Variants in KIAA1958 observed in about 807,000 individuals in gnomAD.
KIAA1958 encodes the protein uncharacterized protein KIAA1958.
In KIAA1958, 14 loss-of-function variants were observed where a neutral mutation model predicts 47.2. The observed-to-expected ratio is 0.30, with a 90% CI of 0.20 to 0.46. The LOEUF (loss-of-function observed/expected upper bound fraction) is 0.46. Among genes scored for constraint, KIAA1958 ranks in the 20% least tolerant of loss-of-function variants. The pLI, the probability that KIAA1958 is intolerant of heterozygous loss-of-function variation, is 1.00. For missense variants in KIAA1958, 803 were observed against 909.2 expected (o/e 0.88, Z 1.50); for synonymous variants, 354 against 353.3 (o/e 1.00, Z -0.02).
Position 112,659,814 on chromosome 9 carries a change from C to A in KIAA1958, c.1896C>A (p.Leu632=), listed in dbSNP as rs1328568371. The A allele has an allele frequency of 8.1e-6, 13 of 1,614,086 alleles. No homozygotes were observed. Among genetic ancestry groups the A allele is most frequent in the Non-Finnish European group, 1.1e-5 (13 of 1,180,046 alleles). The change falls in exon 4 of 4, where the codon CTC becomes CTA. Residue 632 remains leucine, a synonymous_variant. Coordinates refer to ENST00000337530, the MANE Select transcript of KIAA1958 (RefSeq NM_133465.4). ...SRGHKQCPYC[L]LYKYMYIHRP... ...GACACAAACAGTGCCCTTACTGCCT[C>A]CTCTACAAGTACATGTACATCCACC...
chr9:112,634,887 C>T (rs1836776785), intron 2 of KIAA1958, among the ~76,000 whole-genome samples: 1 of 152,154 alleles, frequency 6.6e-6, no homozygotes, highest in Admixed American at 6.5e-5. Flanking sequence ...GGTCATAAAG[C>T]TGGTCTCCTG....
intron 1 of KIAA1958, among the ~76,000 whole-genome samples, chr9:112,524,014 A>G (rs750005884): frequency 6.6e-6 from 1 of 152,128 alleles, no homozygotes; most frequent in Non-Finnish European, 1.5e-5. Context: ...TGCACCCCTC[A>G]TCCCATCCTA....
chr9:112,516,930 G>A (rs1046653533), intron 1 of KIAA1958, among the ~76,000 whole-genome samples: 4 of 152,190 alleles, frequency 2.6e-5, no homozygotes, highest in African/African-American at 4.8e-5. Context: ...GAAGTGTGAG[G>A]TATGGAAACA....
At chr9:112,528,784 G>T (rs1834704233) in intron 1 of KIAA1958, among the ~76,000 whole-genome samples, 1 of 152,190 alleles carries the variant, frequency 6.6e-6, no homozygotes, top group Non-Finnish European at 1.5e-5. Context: ...CTCCTAAGGT[G>T]CTGGGATCAC....
intron 1 of KIAA1958, among the ~76,000 whole-genome samples, chr9:112,542,908 A>G (rs1262118944): frequency 1.3e-5 from 2 of 152,220 alleles, no homozygotes; most frequent in Admixed American, 6.5e-5. Context: ...CTGGTATGGC[A>G]GGCAGTATTT....
At chr9:112,553,564 T>C (rs1222113158) in intron 1 of KIAA1958, among the ~76,000 whole-genome samples, 1 of 152,208 alleles carries the variant, frequency 6.6e-6, no homozygotes, top group Non-Finnish European at 1.5e-5. Flanking sequence ...ATAATAGTAC[T>C]GCCTTATAAA....
chr9:112,543,828 C>T (rs1834985270), intron 1 of KIAA1958, among the ~76,000 whole-genome samples: 1 of 152,120 alleles, frequency 6.6e-6, no homozygotes, highest in Non-Finnish European at 1.5e-5. Flanking sequence ...CCGCCTCGGC[C>T]TCCCACAGTT....
intron 1 of KIAA1958, among the ~76,000 whole-genome samples, chr9:112,531,168 C>A (rs1343067329): frequency 6.6e-6 from 1 of 152,224 alleles, no homozygotes; most frequent in East Asian, 1.9e-4. Flanking sequence ...GCAGGCGTAT[C>A]ACCTGAGGTT....
Position 112,645,765 on chromosome 9 carries a change from T to C in KIAA1958, c.1287T>C (p.Asn429=). 1 of 1,614,180 alleles carries C rather than the reference T, an allele frequency of 6.2e-7. No homozygotes were observed. Among genetic ancestry groups the C allele is most frequent in the East Asian group, 2.2e-5 (1 of 44,876 alleles). The change falls in exon 3 of 4, where the codon AAT becomes AAC. Residue 429 remains asparagine, a synonymous_variant. Transcript: ENST00000337530. The part of the protein sequence containing the change: ...NTTKATRYAL[N]VWRYWCMTNG... ...CCAAAGCCACGCGGTACGCCTTGAA[T>C]GTGTGGCGTTATTGGTGCATGACCA...
chr9:112,557,770 A>T (rs1038269320), intron 1 of KIAA1958, among the ~76,000 whole-genome samples: 13 of 152,354 alleles, frequency 8.5e-5, no homozygotes, highest in African/African-American at 3.1e-4. Context: ...GAAAAACAAA[A>T]ATATCATATT....
intron 2 of KIAA1958, among the ~76,000 whole-genome samples, chr9:112,617,356 A>G (rs1836423850): frequency 6.6e-6 from 1 of 152,252 alleles, no homozygotes; most frequent in Non-Finnish European, 1.5e-5. Flanking sequence ...ATTAACTGCC[A>G]TAAAAGATCT....
intron 1 of KIAA1958, among the ~76,000 whole-genome samples, chr9:112,550,607 C>T (rs117589425): frequency 0.014 from 2,134 of 152,252 alleles, 30 homozygotes; most frequent in Middle Eastern, 0.044. Context: ...AGGGAAAAGG[C>T]AGACGGATGA....
At chr9:112,507,807 T>C (rs1170489149) in intron 1 of KIAA1958, among the ~76,000 whole-genome samples, 1 of 151,940 alleles carries the variant, frequency 6.6e-6, no homozygotes, top group African/African-American at 2.4e-5. Flanking sequence ...TCTTTCTTTC[T>C]TTTTTTTGAG....
chr9:112,488,193 A>G (rs1051922536), intron 1 of KIAA1958, among the ~76,000 whole-genome samples: 13 of 152,134 alleles, frequency 8.5e-5, no homozygotes, highest in Non-Finnish European at 1.8e-4. Flanking sequence ...TTCCCTACCC[A>G]TGAGACCATG....
intron 1 of KIAA1958, among the ~76,000 whole-genome samples, chr9:112,546,879 C>G (rs941034207): frequency 3.3e-5 from 5 of 152,010 alleles, no homozygotes; most frequent in Non-Finnish European, 7.4e-5. Flanking sequence ...TTAGCTACTG[C>G]CTCTCTGTGC....
intron 2 of KIAA1958, among the ~76,000 whole-genome samples, chr9:112,642,004 T>C (rs1297318835): frequency 6.6e-6 from 1 of 152,234 alleles, no homozygotes; most frequent in Non-Finnish European, 1.5e-5. Context: ...AAATTAGCTT[T>C]TCTGCTTGCG....
intron 1 of KIAA1958, among the ~76,000 whole-genome samples, chr9:112,523,040 TGTCATTTCTACCCACAGCACA>T (rs1834575611): frequency 6.6e-6 from 1 of 152,182 alleles, no homozygotes; most frequent in African/African-American, 2.4e-5. Flanking sequence ...AACTGGGCAA[TGTCATTTCTACCCACAGCACA>T]GCTAGATACC....
intron 2 of KIAA1958, chr9:112,581,963 C>T: frequency 4.0e-6 from 1 of 252,138 alleles, no homozygotes. Flanking sequence ...TGCCACCTTT[C>T]CCCACTGTCA....
At chr9:112,543,718 C>T (rs2132826594) in intron 1 of KIAA1958, among the ~76,000 whole-genome samples, 1 of 152,050 alleles carries the variant, frequency 6.6e-6, no homozygotes, top group East Asian at 1.9e-4. Context: ...GGATTACAGG[C>T]ATGCGCCACC....
Sources: allele counts gnomAD v4.1 joint callset (sites outside exome capture counted in the v4.1 genomes callset), GRCh38; gene constraint gnomAD v4.1.1; transcripts MANE v1.5; gene names NCBI Gene and HGNC (gene_info 2026-07-23, HGNC 2026-07-21).